Variants in RSRC1 observed in about 807,000 individuals in gnomAD.
The protein encoded by RSRC1 is arginine and serine rich coiled-coil 1, also known as serine/Arginine-related protein 53.
In RSRC1, 39 loss-of-function variants were observed where a neutral mutation model predicts 49.1. The observed-to-expected ratio is 0.79, with a 90% CI of 0.61 to 1.04. The LOEUF is 1.04. RSRC1 is among the 50% of genes least tolerant of loss of function. The pLI, the probability that RSRC1 is intolerant of heterozygous loss-of-function variation, is 0.00. For synonymous variants in RSRC1, 143 were observed against 130.8 expected (o/e 1.09, Z -0.63); for missense variants, 388 against 402.4 (o/e 0.96, Z 0.31).
intron 6 of RSRC1, among the ~76,000 whole-genome samples, chr3:158,445,509 T>G: frequency 1.3e-5 from 2 of 150,942 alleles, no homozygotes; most frequent in African/African-American, 4.9e-5. Context: ...TGTCGTGGGG[T>G]GGGGGTAGCG....
intron 7 of RSRC1, among the ~76,000 whole-genome samples, chr3:158,466,560 A>G (rs1181643216): frequency 2.0e-5 from 3 of 152,228 alleles, no homozygotes; most frequent in Admixed American, 1.3e-4. Flanking sequence ...AGAAGCTAGT[A>G]CAATCTAAGG....
chr3:158,450,362 G>A (rs1736960497), intron 6 of RSRC1, among the ~76,000 whole-genome samples: 1 of 145,480 alleles, frequency 6.9e-6, no homozygotes, highest in African/African-American at 2.5e-5. Context: ...TACACAGCCA[G>A]TCTTTGCACT....
chr3:158,244,648 T>G (rs1723785676), intron 4 of RSRC1, among the ~76,000 whole-genome samples: 1 of 152,214 alleles, frequency 6.6e-6, no homozygotes, highest in Admixed American at 6.5e-5. Context: ...TAGAATGAGT[T>G]AACAGAGGAG....
At chr3:158,365,345 G>A (rs931238483) in intron 6 of RSRC1, among the ~76,000 whole-genome samples, 1 of 150,948 alleles carries the variant, frequency 6.6e-6, no homozygotes, top group Non-Finnish European at 1.5e-5. Flanking sequence ...TCCCCTCCCT[G>A]TGTCCATGAG....
At chr3:158,130,779 A>G (rs1197406501) in intron 3 of RSRC1, among the ~76,000 whole-genome samples, 1 of 152,200 alleles carries the variant, frequency 6.6e-6, no homozygotes, top group African/African-American at 2.4e-5. Flanking sequence ...ATGTAGAAAT[A>G]TAAGTAATTT....
chr3:158,207,761 G>T (rs900896032), intron 4 of RSRC1, among the ~76,000 whole-genome samples: 1 of 151,958 alleles, frequency 6.6e-6, no homozygotes, highest in Non-Finnish European at 1.5e-5. Context: ...CAAGGTAAAG[G>T]TTGTTTATAA....
intron 7 of RSRC1, among the ~76,000 whole-genome samples, chr3:158,509,210 T>C (rs1194484464): frequency 6.6e-6 from 1 of 152,212 alleles, no homozygotes; most frequent in Non-Finnish European, 1.5e-5. Flanking sequence ...TATTTTTGCA[T>C]GTGGATTATT....
intron 4 of RSRC1, among the ~76,000 whole-genome samples, chr3:158,229,145 T>TACGTGTATATGTGTATATAA (rs1722752099): frequency 6.8e-6 from 1 of 147,270 alleles, no homozygotes; most frequent in African/African-American, 2.5e-5. Flanking sequence ...TATATAAACA[T>TACGTGTATATGTGTATATAA]ACATACGTGT....
intron 4 of RSRC1, among the ~76,000 whole-genome samples, chr3:158,287,324 A>G (rs962489277): frequency 1.3e-5 from 2 of 152,188 alleles, no homozygotes; most frequent in African/African-American, 4.8e-5. Flanking sequence ...TGTGAATTTA[A>G]TTGACATTTA....
chr3:158,242,619 T>C (rs1461705670), intron 4 of RSRC1, among the ~76,000 whole-genome samples: 1 of 152,172 alleles, frequency 6.6e-6, no homozygotes, highest in African/African-American at 2.4e-5. Flanking sequence ...TTTCAGGAGT[T>C]GCCACACTGT....
intron 4 of RSRC1, among the ~76,000 whole-genome samples, chr3:158,211,601 C>T (rs907028941): frequency 5.9e-5 from 9 of 151,920 alleles, no homozygotes; most frequent in African/African-American, 2.2e-4. Flanking sequence ...TCTAAAAATA[C>T]CTCAGATAAG....
At chr3:158,405,299 A>G (rs923177649) in intron 6 of RSRC1, among the ~76,000 whole-genome samples, 2 of 152,108 alleles carry the variant, frequency 1.3e-5, no homozygotes, top group Non-Finnish European at 2.9e-5. Context: ...TTATACTGCA[A>G]TGATAAACTA....
intron 3 of RSRC1, among the ~76,000 whole-genome samples, chr3:158,157,144 T>C (rs911912700): frequency 1.3e-5 from 2 of 152,212 alleles, no homozygotes; most frequent in Admixed American, 1.3e-4. Context: ...CCAGCAGAGT[T>C]GTAAAAGTGA....
intron 7 of RSRC1, among the ~76,000 whole-genome samples, chr3:158,530,584 T>C (rs1403562509): frequency 6.6e-6 from 1 of 151,802 alleles, no homozygotes; most frequent in Non-Finnish European, 1.5e-5. Flanking sequence ...TTGAATGTGC[T>C]CACTTATTTG....
intron 4 of RSRC1, among the ~76,000 whole-genome samples, chr3:158,261,939 A>G (rs1049556726): frequency 2.0e-5 from 3 of 152,298 alleles, no homozygotes; most frequent in Admixed American, 6.5e-5. Flanking sequence ...CACTTGAATC[A>G]TCTTGAAACC....
chr3:158,325,283 T>C (rs1479117446), intron 5 of RSRC1, among the ~76,000 whole-genome samples: 2 of 152,240 alleles, frequency 1.3e-5, no homozygotes, highest in East Asian at 3.8e-4. Context: ...TTTTGGTGTT[T>C]CAGACATGAA....
chr3:158,413,096 C>T (rs1467278351), intron 6 of RSRC1, among the ~76,000 whole-genome samples: 7 of 152,152 alleles, frequency 4.6e-5, no homozygotes. Flanking sequence ...AACTATACTA[C>T]AAGGCTACAG....
At chr3:158,213,880 G>T (rs827104) in intron 4 of RSRC1, among the ~76,000 whole-genome samples, 1 of 151,602 alleles carries the variant, frequency 6.6e-6, no homozygotes, top group Non-Finnish European at 1.5e-5. Context: ...ATTGTAAAAG[G>T]CAGTAGTAGA....
At chr3:158,134,720 T>C (rs1217867204) in intron 3 of RSRC1, among the ~76,000 whole-genome samples, 2 of 152,184 alleles carry the variant, frequency 1.3e-5, no homozygotes, top group Non-Finnish European at 2.9e-5. Flanking sequence ...AGAACTTTCT[T>C]TTGCTTTCAC....
Sources: allele counts gnomAD v4.1 joint callset (sites outside exome capture counted in the v4.1 genomes callset), GRCh38; gene constraint gnomAD v4.1.1; transcripts MANE v1.5; gene names NCBI Gene and HGNC (gene_info 2026-07-23, HGNC 2026-07-21).